Variants in KCNN2 observed in about 807,000 individuals in gnomAD.
KCNN2 encodes the protein small conductance calcium-activated potassium channel protein 2.
Under a neutral mutation model 55.5 loss-of-function variants are expected in KCNN2, and 24 were observed. The observed-to-expected ratio is 0.43, with a 90% CI of 0.31 to 0.61. The LOEUF (loss-of-function observed/expected upper bound fraction) is 0.61. KCNN2 is among the 20% of genes least tolerant of loss of function. The probability of loss-of-function intolerance (pLI) is 0.08; values close to 1 mark genes in which losing one functional copy is unlikely to be tolerated. For synonymous variants in KCNN2, 431 were observed against 336.1 expected, an observed-to-expected ratio of 1.28 and a Z score of -3.09; for missense variants, 754 against 853.6, an observed-to-expected ratio of 0.88 and a Z score of 1.45.
chr5:114,064,518 G>A (rs1462768116), intron 1 of KCNN2, among the ~76,000 whole-genome samples: 1 of 152,174 alleles, frequency 6.6e-6, no homozygotes, highest in Non-Finnish European at 1.5e-5. Context: ...TGTGAGGGAA[G>A]CTCTCTTAGA....
At chr5:114,411,063 T>C (rs1759116019) in intron 3 of KCNN2, among the ~76,000 whole-genome samples, 1 of 152,156 alleles carries the variant, frequency 6.6e-6, no homozygotes, top group African/African-American at 2.4e-5. Flanking sequence ...GAAAATAAAT[T>C]AGGTATTTAT....
At position 114,435,620 on chromosome 5, in the gene KCNN2, TA is replaced by T. The variant is rs774035555; in HGVS notation, c.1638-27419del. ...CACAGAATTTGCTTTATTTTTACTC[TA>T]AAAAAAAAAGATGATTTAGATAGTA... On this transcript the variant is annotated intron_variant, in intron 3 of 7. Transcript: ENST00000673685. Among the ~76,000 whole-genome samples the T allele has an allele frequency of 4.5e-3, 658 of 147,590 alleles. 4 individuals are homozygous for T. Among genetic ancestry groups the T allele is most frequent in the African/African-American group, 0.014 (580 of 40,486 alleles).
chr5:114,153,914 GT>G (rs757379787), intron 1 of KCNN2, among the ~76,000 whole-genome samples: 6 of 152,040 alleles, frequency 3.9e-5, no homozygotes, highest in Non-Finnish European at 7.4e-5. Flanking sequence ...TCAATTGAAG[GT>G]CACTGTTTCT....
chr5:114,492,111 G>A (rs762300907), intron 6 of KCNN2, among the ~76,000 whole-genome samples: 7 of 152,080 alleles, frequency 4.6e-5, no homozygotes, highest in Non-Finnish European at 8.8e-5. Context: ...GTTAAAGATC[G>A]TGTTGTAGGT....
intron 3 of KCNN2, among the ~76,000 whole-genome samples, chr5:114,446,501 A>C (rs1305242156): frequency 6.6e-6 from 1 of 152,148 alleles, no homozygotes; most frequent in African/African-American, 2.4e-5. Context: ...CTTGTTGCCC[A>C]GGCTGGAGTG....
At chr5:114,474,350 G>C (rs1386380405) in intron 5 of KCNN2, among the ~76,000 whole-genome samples, 2 of 152,090 alleles carry the variant, frequency 1.3e-5, no homozygotes, top group African/African-American at 4.8e-5. Context: ...CAGTTAGTAG[G>C]TCCACGTTTA....
At chr5:114,206,534 T>C (rs546253356) in intron 1 of KCNN2, among the ~76,000 whole-genome samples, 4 of 152,122 alleles carry the variant, frequency 2.6e-5, no homozygotes, top group African/African-American at 7.2e-5. Context: ...ATCCAGGTCA[T>C]TTTTTTTCCC....
At chr5:114,353,960 T>G (rs185418806) in intron 2 of KCNN2, among the ~76,000 whole-genome samples, 24 of 152,028 alleles carry the variant, frequency 1.6e-4, no homozygotes, top group Non-Finnish European at 1.6e-4. Flanking sequence ...TGAATGTTTT[T>G]ATCAAATTTG....
intron 2 of KCNN2, among the ~76,000 whole-genome samples, chr5:114,343,697 G>C (rs554655176): frequency 6.6e-6 from 1 of 151,704 alleles, no homozygotes; most frequent in Non-Finnish European, 1.5e-5. Context: ...TGCATGGTGT[G>C]GGGGGAACAA....
At chr5:114,303,053 G>T (rs1456591934) in intron 2 of KCNN2, among the ~76,000 whole-genome samples, 1 of 152,204 alleles carries the variant, frequency 6.6e-6, no homozygotes, top group Non-Finnish European at 1.5e-5. Context: ...AAAACATTTT[G>T]CCAGGAAGAC....
chr5:114,310,132 A>G (rs1320460756), intron 2 of KCNN2, among the ~76,000 whole-genome samples: 3 of 152,092 alleles, frequency 2.0e-5, no homozygotes, highest in African/African-American at 7.2e-5. Context: ...TATTCTCTTC[A>G]CCTTGTGAGA....
chr5:114,463,955 C>T (rs922004116), intron 4 of KCNN2, among the ~76,000 whole-genome samples: 4 of 152,132 alleles, frequency 2.6e-5, no homozygotes, highest in African/African-American at 9.7e-5. Context: ...GAGCTCAGTA[C>T]AGTGGAGCCA....
intron 2 of KCNN2, among the ~76,000 whole-genome samples, chr5:114,283,747 G>A (rs952086886): frequency 2.0e-5 from 3 of 152,070 alleles, no homozygotes; most frequent in African/African-American, 7.2e-5. Flanking sequence ...TGTATTCCAG[G>A]TACCTGGGAG....
intron 2 of KCNN2, among the ~76,000 whole-genome samples, chr5:114,271,885 A>G (rs1375255457): frequency 6.6e-6 from 1 of 152,158 alleles, no homozygotes; most frequent in Non-Finnish European, 1.5e-5. Flanking sequence ...CCTATAAAAT[A>G]TGGATGGTTA....
At chr5:114,421,739 A>T (rs1759477193) in intron 3 of KCNN2, among the ~76,000 whole-genome samples, 1 of 151,614 alleles carries the variant, frequency 6.6e-6, no homozygotes, top group Non-Finnish European at 1.5e-5. Flanking sequence ...CCTCCTGAGT[A>T]GCTGGGATTA....
chr5:114,404,998 G>A, intron 3 of KCNN2, 142 bp downstream of exon 3: 1 of 651,022 alleles, frequency 1.5e-6, no homozygotes. Flanking sequence ...TGAAATGACT[G>A]TGACAAAGCT....
In KCNN2 at chr5:114,182,699, A is replaced by T. The variant is rs114864646; in HGVS notation, c.-270-38781A>T. Among the ~76,000 whole-genome samples, 471 of 152,208 alleles carry T rather than the reference A, an allele frequency of 3.1e-3. 4 individuals are homozygous for T. Among genetic ancestry groups the T allele is most frequent in the African/African-American group, 0.011 (453 of 41,582 alleles). On this transcript the variant is annotated intron_variant, in intron 1 of 10. Transcript: ENST00000512097. ...TTAGCTGCAAATATGTAACAATACA[A>T]CTTATTTTTATATATTAGCCTTGTA...
At chr5:114,194,881 A>G (rs921095068) in intron 1 of KCNN2, among the ~76,000 whole-genome samples, 2 of 70,820 alleles carry the variant, frequency 2.8e-5, no homozygotes, top group South Asian at 7.8e-4. Context: ...AAGGGCCTTG[A>G]TTTAATTTTT....
chr5:114,172,771 T>G (rs1331242033), intron 1 of KCNN2, among the ~76,000 whole-genome samples: 5 of 151,848 alleles, frequency 3.3e-5, no homozygotes, highest in Middle Eastern at 3.4e-3. Context: ...TTTTGCCTGT[T>G]TTTTAATCAA....
Sources: gnomAD v4.1 joint callset for allele counts (sites outside exome capture counted in the v4.1 genomes callset) on GRCh38, gnomAD v4.1.1 for gene constraint, MANE v1.5 for transcripts, NCBI Gene and HGNC (gene_info 2026-07-23, HGNC 2026-07-21) for gene names.